The following USP28 variants were observed in gnomAD, a reference collection of about 807,000 sequenced individuals.
USP28 encodes ubiquitin carboxyl-terminal hydrolase 28.
Under a neutral mutation model 145.0 loss-of-function variants are expected in USP28, and 113 were observed. The observed-to-expected ratio is 0.78, with a 90% confidence interval of 0.67 to 0.91. The LOEUF (loss-of-function observed/expected upper bound fraction) is 0.91. Among genes scored for constraint, USP28 ranks in the 40% least tolerant of loss-of-function variants. USP28 has a pLI of 0.00. For missense variants in USP28, 1,201 were observed against 1,289.6 expected, an observed-to-expected ratio of 0.93 and a Z score of 1.05; for synonymous variants, 447 against 450.9, an observed-to-expected ratio of 0.99 and a Z score of 0.11.
exon 17 of USP28, chr11:113,809,129 A>G: frequency 6.2e-7 from 1 of 1,614,182 alleles, no homozygotes; most frequent in Non-Finnish European, 8.5e-7. Context: ...ATTTTGCAAG[A>G]CTGCTCTTCT....
chr11:113,875,411 GC>G (rs1271119364), intron 1 of USP28, 33 bp downstream of exon 1: 7 of 1,229,668 alleles, frequency 5.7e-6, no homozygotes, highest in South Asian at 4.9e-5. Context: ...CCTGGAGCCC[GC>G]CCCCAGCTCC....
chr11:113,837,608 A>G (rs981973241), intron 5 of USP28, among the ~76,000 whole-genome samples: 2 of 152,202 alleles, frequency 1.3e-5, no homozygotes, highest in African/African-American at 2.4e-5. Context: ...CCTAACAATC[A>G]GTTCCTTCCT....
intron 23 of USP28, among the ~76,000 whole-genome samples, chr11:113,802,461 T>C (rs183854363): frequency 6.6e-6 from 1 of 152,338 alleles, no homozygotes; most frequent in East Asian, 1.9e-4. Context: ...AGGGCAAATT[T>C]GCTGGGTATT....
At chr11:113,803,914 T>G in intron 21 of USP28, 37 bp from the exon 23 acceptor site, 1 of 1,566,218 alleles carries the variant, frequency 6.4e-7, no homozygotes, top group Non-Finnish European at 8.8e-7. Context: ...ATCATGATCA[T>G]AATAGATTGT....
intron 12 of USP28, among the ~76,000 whole-genome samples, chr11:113,822,116 C>G (rs1388338803): frequency 1.3e-5 from 2 of 152,110 alleles, no homozygotes. Context: ...ATTCTCATTT[C>G]TTTTATGTTG....
intron 7 of USP28, among the ~76,000 whole-genome samples, chr11:113,832,918 G>A (rs1370002305): frequency 6.6e-6 from 1 of 152,034 alleles, no homozygotes; most frequent in Non-Finnish European, 1.5e-5. Flanking sequence ...CTACAGGTGC[G>A]TACCACCATG....
chr11:113,815,166 G>C lies in USP28; in HGVS notation c.1672+8C>G. On this transcript the variant is annotated splice_region_variant and intron_variant, in intron 14 of 24. Transcript: ENST00000003302. Reference sequence around the variant, plus strand: ...AAAGAGTAACTGACAAATTTTAAAAGAGCCAACCTTGTATATCTTGTTCAA... The same window carrying C: ...AAAGAGTAACTGACAAATTTTAAAACAGCCAACCTTGTATATCTTGTTCAA... 6.2e-7 allele frequency: 1 copy of C among 1,609,942 alleles called. No individual in the cohort carries two copies.
intron 5 of USP28, chr11:113,835,307 TG>T (rs1944444955): frequency 4.4e-6 from 2 of 456,004 alleles, no homozygotes; most frequent in Admixed American, 2.3e-5. Flanking sequence ...GCCTGCACGG[TG>T]GAACTCCTGA....
chr11:113,815,560 G>A (rs1361453519), intron 13 of USP28, among the ~76,000 whole-genome samples, 178 bp from the exon 14 acceptor site: 5 of 152,208 alleles, frequency 3.3e-5, no homozygotes, highest in Admixed American at 3.3e-4. Flanking sequence ...CAACTGGCCT[G>A]TGAGGTAGAT....
chr11:113,850,249 A>G (rs1823443508), intron 3 of USP28, among the ~76,000 whole-genome samples: 1 of 152,186 alleles, frequency 6.6e-6, no homozygotes, highest in South Asian at 2.1e-4. Flanking sequence ...CAACTACATC[A>G]CTAGATATAT....
At chr11:113,815,018 C>A (rs1480595447) in intron 14 of USP28, among the ~76,000 whole-genome samples, 156 bp downstream of exon 14, 1 of 152,080 alleles carries the variant, frequency 6.6e-6, no homozygotes, top group Non-Finnish European at 1.5e-5. Context: ...CACCACTGCA[C>A]TCCAGCCTGG....
intron 5 of USP28, among the ~76,000 whole-genome samples, chr11:113,837,273 T>G (rs985859897): frequency 2.0e-5 from 3 of 152,226 alleles, no homozygotes; most frequent in African/African-American, 7.2e-5. Context: ...CACTCCTACA[T>G]CAAGGGCCTA....
At chr11:113,829,611 T>A (rs1391770525) in intron 9 of USP28, 5 of 395,732 alleles carry the variant, frequency 1.3e-5, no homozygotes, top group Non-Finnish European at 2.3e-5. Flanking sequence ...GAGGATCACT[T>A]GAGGCCAGGA....
chr11:113,817,794 C>G, exon 13 of USP28: 1 of 1,614,152 alleles, frequency 6.2e-7, no homozygotes, highest in Non-Finnish European at 8.5e-7. Context: ...TTCAGCATGT[C>G]CGGGAGCGGG....
intron 22 of USP28, 113 bp from the exon 24 acceptor site, chr11:113,803,394 G>T (rs1383673344): frequency 1.6e-6 from 2 of 1,257,888 alleles, no homozygotes; most frequent in Non-Finnish European, 2.2e-6. Flanking sequence ...CTGAAAAAGT[G>T]AAGGACCAAA....
At chr11:113,833,092 T>C (rs1944187115) in intron 7 of USP28, among the ~76,000 whole-genome samples, 1 of 152,262 alleles carries the variant, frequency 6.6e-6, no homozygotes. Flanking sequence ...ACTACTTTTC[T>C]TGGTATCCCT....
intron 18 of USP28, 80 bp from the exon 20 acceptor site, chr11:113,806,664 CAG>C: frequency 9.6e-7 from 1 of 1,044,642 alleles, no homozygotes; most frequent in Non-Finnish European, 1.4e-6. Flanking sequence ...GCAGGCTGAA[CAG>C]AGTGCTAAAG....
At chr11:113,859,985 AC>A (rs1947481463) in intron 1 of USP28, among the ~76,000 whole-genome samples, 1 of 152,208 alleles carries the variant, frequency 6.6e-6, no homozygotes, top group Non-Finnish European at 1.5e-5. Context: ...AATCTAGCCC[AC>A]TTCTCAGGAA....
At chr11:113,798,159 C>T (rs1262976964) in exon 25 of USP28, 1 of 137,684 alleles carries the variant, frequency 7.3e-6, no homozygotes, top group African/African-American at 2.7e-5. Flanking sequence ...TGTCTGCAAT[C>T]CCAGACTTTG....
Sources: allele counts gnomAD v4.1 joint callset (sites outside exome capture counted in the v4.1 genomes callset), GRCh38; gene constraint gnomAD v4.1.1; transcripts MANE v1.5; gene names NCBI Gene and HGNC (gene_info 2026-07-23, HGNC 2026-07-21).